The following TMEM11 variants were observed in gnomAD, a reference collection of about 807,000 sequenced individuals.
TMEM11 encodes the protein transmembrane protein 11.
Under a neutral mutation model 17.0 loss-of-function variants are expected in TMEM11, and 1 was observed. The ratio of observed to expected loss-of-function variants is 0.06; its 90% CI spans 0.02 to 0.28. The LOEUF is 0.28. TMEM11 is among the 10% of genes least tolerant of loss of function. The pLI, the probability that TMEM11 is intolerant of heterozygous loss-of-function variation, is 1.00. For synonymous variants in TMEM11, 122 were observed against 118.1 expected, an observed-to-expected ratio of 1.03 and a Z score of -0.21; for missense variants, 172 against 252.9, an observed-to-expected ratio of 0.68 and a Z score of 2.17.
At chr17:21,203,567 C>A (rs575278475) in intron 1 of TMEM11, among the ~76,000 whole-genome samples, 2 of 152,002 alleles carry the variant, frequency 1.3e-5, no homozygotes, top group African/African-American at 4.8e-5. Context: ...ATTAGCCAGG[C>A]GCGGTGCTGC....
chr17:21,209,845 A>G lies in TMEM11; in HGVS notation c.62+4246T>C, dbSNP rs1974983643. Reference sequence around the variant, plus strand: ...ATGGCTGCCCTAATGGACTGCAGGGACACGCCAGGAGTCTGTCATGCCAGA... The same window carrying G: ...ATGGCTGCCCTAATGGACTGCAGGGGCACGCCAGGAGTCTGTCATGCCAGA... On this transcript the variant is annotated intron_variant, in intron 1 of 1. Coordinates refer to ENST00000317635, the MANE Select transcript of TMEM11 (RefSeq NM_003876.3). Among the ~76,000 whole-genome samples the G allele has an allele frequency of 2.0e-5, 3 of 152,218 alleles. No individual in the cohort carries two copies. The South Asian group carries it at 6.2e-4, about 32-fold the overall frequency.
At chr17:21,214,070 C>T (rs1975034846) in intron 1 of TMEM11, 21 bp downstream of exon 1, 3 of 1,605,072 alleles carry the variant, frequency 1.9e-6, no homozygotes, top group Middle Eastern at 2.1e-4. Flanking sequence ...GCACTGGGGG[C>T]AACAAGCCCT....
At chr17:21,213,976 T>C in intron 1 of TMEM11, 115 bp downstream of exon 1, 2 of 1,015,276 alleles carry the variant, frequency 2.0e-6, no homozygotes, top group East Asian at 2.7e-5. Context: ...CCGGCGAGGG[T>C]AGGGGGAGCG....
intron 1 of TMEM11, among the ~76,000 whole-genome samples, chr17:21,206,176 C>T (rs966644120): frequency 3.3e-5 from 5 of 152,072 alleles, no homozygotes; most frequent in Admixed American, 2.0e-4. Flanking sequence ...CCACCAGCAG[C>T]GCACAGGGGT....
intron 1 of TMEM11, among the ~76,000 whole-genome samples, chr17:21,201,827 A>G (rs1241953713): frequency 1.3e-5 from 2 of 152,116 alleles, no homozygotes; most frequent in African/African-American, 2.4e-5. Flanking sequence ...AGATGGGGTT[A>G]TGCCATGTTG....
In TMEM11 at chr17:21,198,248, CAG is replaced by C. The variant is rs1467710375; in HGVS notation, c.*74_*75del. 5 of 1,519,546 alleles carry C rather than the reference CAG, an allele frequency of 3.3e-6. No individual in the cohort carries two copies. In the Admixed American group the frequency reaches 1.0e-4, roughly 31 times the overall value. 94.1% of individuals were successfully genotyped at this position (1,519,546 alleles called of 1,614,324 possible). A position where few individuals can be genotyped will look rare whatever the true frequency, so the allele number is the denominator to read the frequency against. On this transcript the variant is annotated 3_prime_UTR_variant, in exon 2 of 2. Transcript: ENST00000317635. This position sits in a 1 kb window ranked among gnomAD's most constrained non-coding sequence, Gnocchi z 6.5. ...CACCTGCCCAGGCTCTGCTGCCTCA[CAG>C]AGTGTGGCGATCTGAATACTCTGTT...
At chr17:21,213,904 C>G (rs75863764) in intron 1 of TMEM11, 187 bp downstream of exon 1, 26,413 of 609,114 alleles carry the variant, frequency 0.043, 927 homozygotes, top group African/African-American at 0.14. Flanking sequence ...AGCTCTCCGC[C>G]GAGGCCTTCG....
At chr17:21,199,191 C>T (rs1385267558) in intron 1 of TMEM11, among the ~76,000 whole-genome samples, 1 of 151,698 alleles carries the variant, frequency 6.6e-6, no homozygotes, top group Non-Finnish European at 1.5e-5. Context: ...GGTGTGGTGG[C>T]GCATGCCTAT....
intron 1 of TMEM11, among the ~76,000 whole-genome samples, chr17:21,206,387 A>G (rs1172243072): frequency 3.3e-5 from 5 of 151,926 alleles, no homozygotes; most frequent in East Asian, 1.9e-4. Context: ...ACGCCCAGCT[A>G]ATTTTTGTAT....
intron 1 of TMEM11, chr17:21,213,811 C>A (rs1975030247): frequency 4.2e-6 from 2 of 475,186 alleles, no homozygotes; most frequent in Non-Finnish European, 7.5e-6. Flanking sequence ...GGCGCCAGTT[C>A]CTTTCAGCAC....
At chr17:21,211,122 G>A in intron 1 of TMEM11, 2 of 1,289,862 alleles carry the variant, frequency 1.6e-6, no homozygotes, top group Non-Finnish European at 2.0e-6. Context: ...GACAGGACAA[G>A]TGGCAATCTG....
chr17:21,199,351 T>TAA (rs1974857305), intron 1 of TMEM11, among the ~76,000 whole-genome samples: 1 of 79,768 alleles, frequency 1.3e-5, no homozygotes, highest in Non-Finnish European at 2.6e-5. Flanking sequence ...AAAAAAGATA[T>TAA]AAAAAGGCAG....
intron 1 of TMEM11, among the ~76,000 whole-genome samples, chr17:21,212,621 T>C (rs939197617): frequency 1.9e-4 from 29 of 152,234 alleles, no homozygotes; most frequent in Non-Finnish European, 2.9e-5. Context: ...CAAAAACAAT[T>C]CTCAGCATCT....
intron 1 of TMEM11, among the ~76,000 whole-genome samples, chr17:21,205,203 C>T (rs984905412): frequency 3.3e-5 from 5 of 152,158 alleles, no homozygotes; most frequent in African/African-American, 7.2e-5. Flanking sequence ...AGTCTGGAGG[C>T]GTCTCCCCAA....
In TMEM11 at chr17:21,198,045, C is replaced by T. The variant is rs1365427083; in HGVS notation, c.*279G>A. 2.3e-5 allele frequency: 9 copies of T among 395,426 alleles called. No homozygotes were observed. Among genetic ancestry groups the T allele is most frequent in the East Asian group, 4.2e-5 (1 of 23,732 alleles). The allele number at this position is 395,426 out of a possible 1,614,324, so 24.5% of individuals were successfully genotyped here. ...AGACTTAAAGACCTCCCCCAAAGCA[C>T]GTCCACACCCCCTCGGCAGCGTCTG... On this transcript the variant is annotated 3_prime_UTR_variant, in exon 2 of 2. Transcript: ENST00000317635. This position sits in a 1 kb window ranked among gnomAD's most constrained non-coding sequence, Gnocchi z 6.5.
chr17:21,209,577 A>C (rs1365518474), intron 1 of TMEM11, among the ~76,000 whole-genome samples: 2 of 152,188 alleles, frequency 1.3e-5, no homozygotes, highest in African/African-American at 2.4e-5. Flanking sequence ...AGACCAGCCT[A>C]GACAACATGG....
At chr17:21,199,438 G>T (rs1447954949) in intron 1 of TMEM11, among the ~76,000 whole-genome samples, 1 of 151,642 alleles carries the variant, frequency 6.6e-6, no homozygotes, top group Admixed American at 6.6e-5. Context: ...CAACTGATCT[G>T]AGTCAGCAAA....
At position 21,204,617 on chromosome 17, in the gene TMEM11, C is replaced by T. The variant is rs75957678; in HGVS notation, c.63-5777G>A. The stretch of plus-strand genomic sequence containing the variant: ...TGCACAGAACACTTCTGAAAGGATA[C>T]ACAAAGACCTGATTTTTATGACTGG... On this transcript the variant is annotated intron_variant, in intron 1 of 1. Transcript: ENST00000317635. Among the ~76,000 whole-genome samples, 210 of 152,012 alleles carry T rather than the reference C, an allele frequency of 1.4e-3. 3 individuals are homozygous for T. In the East Asian group the frequency reaches 0.036, roughly 26 times the overall value.
intron 1 of TMEM11, among the ~76,000 whole-genome samples, chr17:21,210,743 G>A (rs984803290): frequency 1.5e-4 from 23 of 152,340 alleles, no homozygotes; most frequent in African/African-American, 4.1e-4. Flanking sequence ...ATAAAACGCT[G>A]GAGCAGATGG....
Sources: allele counts gnomAD v4.1 joint callset (sites outside exome capture counted in the v4.1 genomes callset), GRCh38; gene constraint gnomAD v4.1.1; non-coding constraint Gnocchi (gnomAD v3.1); transcripts MANE v1.5; gene names NCBI Gene and HGNC (gene_info 2026-07-23, HGNC 2026-07-21).